CDYL: variants seen among roughly 807,000 people sequenced by gnomAD.
CDYL encodes the protein chromodomain Y-like protein.
CDYL carries 8 observed loss-of-function variants against 47.3 expected under a neutral mutation model. The ratio of observed to expected loss-of-function variants is 0.17; its 90% CI spans 0.10 to 0.31. The LOEUF (loss-of-function observed/expected upper bound fraction) is 0.31. Ranked by LOEUF, CDYL falls within the 10% of genes least tolerant of loss-of-function variation. CDYL has a pLI of 1.00. For missense variants in CDYL, 471 were observed against 701.4 expected (o/e 0.67, Z 3.71); for synonymous variants, 266 against 265.0 (o/e 1.00, Z -0.04).
Position 4,827,457 on chromosome 6 carries a change from G to A in CDYL, c.24+50650G>A, listed in dbSNP as rs1426914463. ...TTTCCTTTTGAATATATAGCTTTTA[G>A]ATATTTTCTTTGTGGTTATCATGGG... On this transcript the variant is annotated intron_variant, in intron 1 of 6. Transcript: ENST00000397588. Among the ~76,000 whole-genome samples the A allele has an allele frequency of 3.3e-5, 5 of 151,940 alleles. No individual in the cohort carries two copies. The East Asian group carries it at 9.7e-4, about 29-fold the overall frequency.
intron 1 of CDYL, among the ~76,000 whole-genome samples, chr6:4,852,410 TTCCA>T (rs1292798405): frequency 2.2e-5 from 3 of 139,466 alleles, no homozygotes; most frequent in East Asian, 2.1e-4. Context: ...CCTTCCTTCC[TTCCA>T]ATCTTCCTTC....
intron 1 of CDYL, among the ~76,000 whole-genome samples, chr6:4,854,297 T>A (rs1760940238): frequency 6.6e-6 from 1 of 152,220 alleles, no homozygotes; most frequent in Non-Finnish European, 1.5e-5. Context: ...AGATCCTCTT[T>A]AAGATGTTTC....
At chr6:4,760,159 A>G (rs1226366807) in intron 3 of CDYL, among the ~76,000 whole-genome samples, 1 of 151,824 alleles carries the variant, frequency 6.6e-6, no homozygotes. Context: ...TTTGGAAAGA[A>G]CATCCCTCAG....
chr6:4,920,509 T>C (rs746980119), intron 2 of CDYL, among the ~76,000 whole-genome samples: 3 of 152,090 alleles, frequency 2.0e-5, no homozygotes, highest in Non-Finnish European at 4.4e-5. Flanking sequence ...ATGCAAACAG[T>C]GGAGGGCGCC....
At chr6:4,744,796 C>T (rs1288556000) in intron 3 of CDYL, among the ~76,000 whole-genome samples, 6 of 152,012 alleles carry the variant, frequency 3.9e-5, no homozygotes, top group South Asian at 2.1e-4. Flanking sequence ...CAGAGAGCAA[C>T]GCTAATCTCT....
rs1561693391 is a variant in CDYL, at chr6:4,895,282, T to TATATACATGTATGTATATATGC, written c.691+2903_691+2904insATATACATGTATGTATATATGC. 1.9e-4 allele frequency among the ~76,000 whole-genome samples: 2 copies of TATATACATGTATGTATATATGC among 10,376 alleles called. 1 individual carries two copies. The highest frequency in any genetic ancestry group is 2.0e-4 in the African/African-American group (2 of 10,052). 6.8% of individuals were successfully genotyped at this position (10,376 alleles called of 152,430 possible). On this transcript the variant is annotated intron_variant, in intron 2 of 6. Transcript: ENST00000397588. ...GCATGTATACATGTATGTATATATGTGCATATATGCATGTATGTATATATG... is the reference window on the plus strand; with the variant it reads ...GCATGTATACATGTATGTATATATGTATATACATGTATGTATATATGCGCATATATGCATGTATGTATATATG...
intron 2 of CDYL, among the ~76,000 whole-genome samples, chr6:4,724,110 G>A (rs950651703): frequency 1.8e-4 from 28 of 152,154 alleles, no homozygotes; most frequent in African/African-American, 6.3e-4. Context: ...GCATGATCTT[G>A]GCTCACTATA....
At chr6:4,743,170 C>G (rs572518374) in intron 3 of CDYL, among the ~76,000 whole-genome samples, 1 of 152,180 alleles carries the variant, frequency 6.6e-6, no homozygotes, top group Non-Finnish European at 1.5e-5. Context: ...GATGGGAACA[C>G]GCTTAATCTA....
intron 1 of CDYL, among the ~76,000 whole-genome samples, chr6:4,792,643 C>T (rs1758958866): frequency 6.6e-6 from 1 of 151,984 alleles, no homozygotes; most frequent in African/African-American, 2.4e-5. Flanking sequence ...ACCATGTTGG[C>T]CAGGCTGGTC....
rs369321782 is a variant in CDYL, at chr6:4,935,505, C to T, written c.692-10C>T. On this transcript the variant is annotated splice_polypyrimidine_tract_variant and intron_variant, in intron 2 of 6. Transcript: ENST00000397588. ...CATCACAGACTACTGTGATTTCAAA[C>T]TCTCGGCAGGTACATCTCCGTTCAT... 6.2e-6 allele frequency: 10 copies of T among 1,612,874 alleles called. No individual in the cohort carries two copies. The African/African-American group carries it at 8.0e-5, about 13-fold the overall frequency.
chr6:4,884,080 T>C (rs955302098), intron 1 of CDYL, among the ~76,000 whole-genome samples: 9 of 152,200 alleles, frequency 5.9e-5, no homozygotes, highest in African/African-American at 2.2e-4. Flanking sequence ...TTCTCTAAAG[T>C]GATCCATAAA....
At chr6:4,951,858 G>A (rs908591949) in intron 5 of CDYL, among the ~76,000 whole-genome samples, 2 of 152,148 alleles carry the variant, frequency 1.3e-5, no homozygotes, top group Non-Finnish European at 2.9e-5. Flanking sequence ...GGATTGTTTT[G>A]TGTATTAAAA....
chr6:4,874,788 A>G (rs1761574689), intron 1 of CDYL, among the ~76,000 whole-genome samples: 1 of 152,182 alleles, frequency 6.6e-6, no homozygotes, highest in African/African-American at 2.4e-5. Flanking sequence ...TGCCTCTTCT[A>G]GGATTTCATA....
chr6:4,889,861 C>T (rs1028149532), intron 1 of CDYL: 10 of 557,824 alleles, frequency 1.8e-5, no homozygotes, highest in African/African-American at 4.1e-5. Context: ...ACACACCTAC[C>T]GTTAGCTGCG....
chr6:4,743,798 A>C (rs1757838916), intron 3 of CDYL, among the ~76,000 whole-genome samples: 1 of 152,252 alleles, frequency 6.6e-6, no homozygotes, highest in Admixed American at 6.5e-5. Flanking sequence ...AACATAATAC[A>C]AGGTGGTAAC....
chr6:4,717,176 G>T (rs1757280732), intron 2 of CDYL, among the ~76,000 whole-genome samples: 1 of 152,136 alleles, frequency 6.6e-6, no homozygotes, highest in Admixed American at 6.5e-5. Flanking sequence ...TCACACCTGA[G>T]ACTCCAGTAC....
chr6:4,869,361 G>A (rs148092302), intron 1 of CDYL, among the ~76,000 whole-genome samples: 13 of 152,238 alleles, frequency 8.5e-5, no homozygotes, highest in East Asian at 7.7e-4. Flanking sequence ...CTCCCAAGGC[G>A]TTGAGACTAC....
At chr6:4,799,817 T>C (rs1011584239) in intron 1 of CDYL, among the ~76,000 whole-genome samples, 2 of 152,108 alleles carry the variant, frequency 1.3e-5, no homozygotes, top group Admixed American at 6.6e-5. Context: ...AATTTCCAAA[T>C]ACGATTGTGC....
At chr6:4,728,130 C>T (rs913984821) in intron 2 of CDYL, among the ~76,000 whole-genome samples, 6 of 152,188 alleles carry the variant, frequency 3.9e-5, no homozygotes, top group African/African-American at 1.4e-4. Flanking sequence ...AACAGTTTCT[C>T]TTCAGAGTGT....
Sources: gnomAD v4.1 joint callset for allele counts (sites outside exome capture counted in the v4.1 genomes callset) on GRCh38, gnomAD v4.1.1 for gene constraint, MANE v1.5 for transcripts, NCBI Gene and HGNC (gene_info 2026-07-23, HGNC 2026-07-21) for gene names.